PCDH9: variants seen among roughly 807,000 people sequenced by gnomAD.
The protein encoded by PCDH9 is protocadherin-9.
PCDH9 carries 24 observed loss-of-function variants against 70.6 expected under a neutral mutation model. That is an observed-to-expected ratio of 0.34 (90% CI 0.25 to 0.48). The LOEUF is 0.48. PCDH9 is among the 20% of genes least tolerant of loss of function. PCDH9 has a pLI of 0.99. For synonymous variants in PCDH9, 562 were observed against 558.5 expected (o/e 1.01, Z -0.09); for missense variants, 1,281 against 1,503.6 (o/e 0.85, Z 2.45).
chr13:66,374,816 C>T (rs1054064168), intron 4 of PCDH9, among the ~76,000 whole-genome samples: 21 of 152,116 alleles, frequency 1.4e-4, no homozygotes, highest in African/African-American at 5.1e-4. Flanking sequence ...GAATATATTC[C>T]TTTGTTGAGC....
intron 3 of PCDH9, among the ~76,000 whole-genome samples, chr13:66,815,585 A>ATGG (rs1343970221): frequency 6.6e-6 from 1 of 152,166 alleles, no homozygotes; most frequent in African/African-American, 2.4e-5. Context: ...GTAATACTAC[A>ATGG]CAGCCATAAA....
At chr13:66,674,222 A>G (rs1348985050) in intron 3 of PCDH9, among the ~76,000 whole-genome samples, 1 of 152,106 alleles carries the variant, frequency 6.6e-6, no homozygotes, top group African/African-American at 2.4e-5. Context: ...TGATTTACCA[A>G]TCTGTCCTTG....
chr13:66,774,203 TA>T (rs1244676349), intron 3 of PCDH9, among the ~76,000 whole-genome samples: 2 of 152,198 alleles, frequency 1.3e-5, no homozygotes, highest in East Asian at 1.9e-4. Flanking sequence ...GTTATATTCA[TA>T]AGGGACTAAA....
rs577532214 is a variant in PCDH9, at chr13:66,728,131, C to T, written c.3139-96720G>A. ...GCCTTTAGATATTTAATGATATTTGCCATAGCCTTCCTAAAGACATCTCAA... is the reference window on the plus strand; with the variant it reads ...GCCTTTAGATATTTAATGATATTTGTCATAGCCTTCCTAAAGACATCTCAA... On this transcript the variant is annotated intron_variant, in intron 3 of 4. Transcript: ENST00000377865. Among the ~76,000 whole-genome samples the T allele has an allele frequency of 3.3e-5, 5 of 152,194 alleles. No homozygotes were observed. In the East Asian group the frequency reaches 9.6e-4, roughly 29 times the overall value.
chr13:67,181,024 T>A (rs1464289718), intron 2 of PCDH9, among the ~76,000 whole-genome samples: 1 of 152,186 alleles, frequency 6.6e-6, no homozygotes, highest in African/African-American at 2.4e-5. Flanking sequence ...TTTTAATTAC[T>A]AAAAATCAAT....
chr13:66,792,572 C>A (rs184218501), intron 3 of PCDH9, among the ~76,000 whole-genome samples: 24 of 152,126 alleles, frequency 1.6e-4, no homozygotes, highest in South Asian at 8.3e-4. Context: ...CGGAAGCTGA[C>A]GCAGGAGAAT....
intron 3 of PCDH9, among the ~76,000 whole-genome samples, chr13:66,635,721 T>C (rs1468483452): frequency 2.0e-5 from 3 of 152,154 alleles, no homozygotes; most frequent in East Asian, 1.9e-4. Flanking sequence ...GGTTCTCTTA[T>C]GTTTTTCTTA....
At chr13:67,017,974 G>A (rs2084594818) in intron 2 of PCDH9, among the ~76,000 whole-genome samples, 1 of 152,150 alleles carries the variant, frequency 6.6e-6, no homozygotes, top group African/African-American at 2.4e-5. Flanking sequence ...CTGGACTTAA[G>A]AACAAATATT....
At chr13:66,786,055 G>A (rs1055648767) in intron 3 of PCDH9, among the ~76,000 whole-genome samples, 4 of 151,798 alleles carry the variant, frequency 2.6e-5, no homozygotes, top group Non-Finnish European at 4.4e-5. Context: ...GTTCTTTATG[G>A]AGCAAAATTT....
chr13:67,005,699 T>A (rs2084336784), intron 2 of PCDH9, among the ~76,000 whole-genome samples: 1 of 152,238 alleles, frequency 6.6e-6, no homozygotes, highest in Non-Finnish European at 1.5e-5. Flanking sequence ...TATGCTTATT[T>A]CTAATTTCCA....
intron 2 of PCDH9, among the ~76,000 whole-genome samples, chr13:67,156,207 C>T (rs1051003649): frequency 3.3e-5 from 5 of 152,094 alleles, no homozygotes; most frequent in African/African-American, 1.2e-4. Flanking sequence ...CCCACCACGG[C>T]CCCATCCTGT....
intron 4 of PCDH9, among the ~76,000 whole-genome samples, chr13:66,407,981 CA>C (rs1318538007): frequency 6.6e-6 from 1 of 150,632 alleles, no homozygotes; most frequent in African/African-American, 2.4e-5. Flanking sequence ...TTGAGACAAA[CA>C]ATTCTGATTT....
intron 2 of PCDH9, among the ~76,000 whole-genome samples, chr13:67,046,436 G>T (rs1030111341): frequency 6.6e-6 from 1 of 152,182 alleles, no homozygotes; most frequent in Non-Finnish European, 1.5e-5. Context: ...AGTCACAAAT[G>T]CAAATATAAA....
chr13:67,133,702 T>G (rs2087162653), intron 2 of PCDH9, among the ~76,000 whole-genome samples: 1 of 152,096 alleles, frequency 6.6e-6, no homozygotes, highest in South Asian at 2.1e-4. Context: ...TTTATCTAAA[T>G]GACTGCATTG....
At chr13:66,318,653 C>T (rs992300063) in intron 4 of PCDH9, among the ~76,000 whole-genome samples, 2 of 152,056 alleles carry the variant, frequency 1.3e-5, no homozygotes, top group African/African-American at 4.8e-5. Context: ...GGAGAAATTG[C>T]CATGAAATCC....
intron 4 of PCDH9, among the ~76,000 whole-genome samples, chr13:66,588,877 T>C (rs2077000205): frequency 6.6e-6 from 1 of 151,492 alleles, no homozygotes; most frequent in Admixed American, 6.6e-5. Flanking sequence ...TACAACTCCA[T>C]TATTACGAGA....
intron 2 of PCDH9, among the ~76,000 whole-genome samples, chr13:66,904,929 GA>G (rs1279867104): frequency 6.6e-6 from 1 of 151,858 alleles, no homozygotes; most frequent in African/African-American, 2.4e-5. Flanking sequence ...CTTTTAGCAT[GA>G]AAAAATATTT....
intron 4 of PCDH9, among the ~76,000 whole-genome samples, chr13:66,438,190 T>C (rs893267526): frequency 4.6e-5 from 7 of 150,788 alleles, no homozygotes; most frequent in Admixed American, 4.0e-4. Context: ...GCCAAGATCA[T>C]GGCACTGCAC....
chr13:66,664,091 T>C (rs1467704666), intron 3 of PCDH9, among the ~76,000 whole-genome samples: 2 of 152,202 alleles, frequency 1.3e-5, no homozygotes, highest in East Asian at 1.9e-4. Flanking sequence ...TTTTGCCACA[T>C]ACAAAGTGTG....
Sources: allele counts gnomAD v4.1 joint callset (sites outside exome capture counted in the v4.1 genomes callset), GRCh38; gene constraint gnomAD v4.1.1; transcripts MANE v1.5; gene names NCBI Gene and HGNC (gene_info 2026-07-23, HGNC 2026-07-21).